The following ARID3B variants were observed in gnomAD, a reference collection of about 807,000 sequenced individuals.
ARID3B encodes AT-rich interaction domain 3B.
ARID3B carries 10 observed loss-of-function variants against 51.9 expected under a neutral mutation model. The ratio of observed to expected loss-of-function variants is 0.19; its 90% confidence interval spans 0.12 to 0.33. The LOEUF (loss-of-function observed/expected upper bound fraction) is 0.33, where lower values mean the gene tolerates loss of function less well. Ranked by LOEUF, ARID3B falls within the 10% of genes least tolerant of loss-of-function variation. The pLI is 1.00. For missense variants in ARID3B, 483 were observed against 716.3 expected, an observed-to-expected ratio of 0.67 and a Z score of 3.72; for synonymous variants, 205 against 279.5, an observed-to-expected ratio of 0.73 and a Z score of 2.66.
intron 4 of ARID3B, among the ~76,000 whole-genome samples, chr15:74,585,056 GATTA>G (rs1014720987): frequency 6.6e-6 from 1 of 152,194 alleles, no homozygotes; most frequent in Non-Finnish European, 1.5e-5. Context: ...GAGAGAGCAT[GATTA>G]ATTACCCTCA....
At chr15:74,566,802 ATTGT>A (rs1021519374) in intron 2 of ARID3B, among the ~76,000 whole-genome samples, 6 of 152,080 alleles carry the variant, frequency 3.9e-5, no homozygotes, top group Admixed American at 1.3e-4. Flanking sequence ...GCATTTTGTA[ATTGT>A]TTGTCTCTCT....
At chr15:74,574,343 C>G (rs1299295622) in intron 4 of ARID3B, 1 of 152,242 alleles carries the variant, frequency 6.6e-6, no homozygotes, top group African/African-American at 2.4e-5. Flanking sequence ...TAGCCTGCTC[C>G]CAGCATCCTG....
intron 2 of ARID3B, among the ~76,000 whole-genome samples, chr15:74,561,479 C>T (rs1404002191): frequency 6.6e-6 from 1 of 152,026 alleles, no homozygotes; most frequent in African/African-American, 2.4e-5. Flanking sequence ...CTAGTTATTT[C>T]CTTAGGATAG....
At chr15:74,545,993 T>C (rs2061614222) in intron 2 of ARID3B, among the ~76,000 whole-genome samples, 1 of 152,178 alleles carries the variant, frequency 6.6e-6, no homozygotes, top group African/African-American at 2.4e-5. Context: ...GCCAGGCACA[T>C]GGTAGGTAAT....
chr15:74,556,429 T>G (rs2061657985), intron 2 of ARID3B, among the ~76,000 whole-genome samples: 1 of 152,168 alleles, frequency 6.6e-6, no homozygotes, highest in Non-Finnish European at 1.5e-5. Context: ...CCATAACAGA[T>G]GTAATAATTT....
rs2061829033 is a variant in ARID3B at position 74,597,008 on chromosome 15, C to T, written c.*1234C>T. On this transcript the variant is annotated 3_prime_UTR_variant, in exon 9 of 9. Transcript: ENST00000346246. ...GCCCGCTCTCACACCGGGTCGGGCC[C>T]TGAAACTGTACCAGTTCTGAAGACC... 1 of 234,492 alleles carries T rather than the reference C, an allele frequency of 4.3e-6. No homozygotes were observed. Among genetic ancestry groups the T allele is most frequent in the African/African-American group, 2.2e-5 (1 of 45,428 alleles). 14.5% of individuals were successfully genotyped at this position (234,492 alleles called of 1,614,324 possible). A position where few individuals can be genotyped will look rare whatever the true frequency, so the allele number is the denominator to read the frequency against.
rs2061805338 is a variant in ARID3B at position 74,591,892 on chromosome 15, G to C, written c.1420+78G>C. 1.3e-6 allele frequency: 2 copies of C among 1,556,272 alleles called. No homozygotes were observed. Among genetic ancestry groups the C allele is most frequent in the Admixed American group, 3.6e-5 (2 of 55,418 alleles). On this transcript the variant is annotated intron_variant, in intron 7 of 8. Transcript: ENST00000346246. The surrounding 1 kb of genome is among the most constrained non-coding windows in gnomAD (Gnocchi z 5.8). ...CACGCCTCCTGGGACTGGTGGGGCA[G>C]GGGTGGTGAGGCACATACTCCTGAC... is the stretch of plus-strand genomic sequence containing the variant.
intron 2 of ARID3B, among the ~76,000 whole-genome samples, chr15:74,549,175 C>T (rs1474152253): frequency 4.0e-5 from 6 of 151,882 alleles, no homozygotes; most frequent in African/African-American, 9.7e-5. Flanking sequence ...CCGGGGTTCA[C>T]GCCATTCTCC....
intron 4 of ARID3B, chr15:74,574,976 T>C (rs563581375): frequency 7.1e-6 from 1 of 140,254 alleles, no homozygotes; most frequent in Non-Finnish European, 1.5e-5. Context: ...CCCTCCATCC[T>C]GGCGACAGAG....
At chr15:74,572,974 T>A (rs2061724529) in intron 3 of ARID3B, 41 bp downstream of exon 3, 2 of 1,608,298 alleles carry the variant, frequency 1.2e-6, no homozygotes, top group Non-Finnish European at 8.5e-7. Flanking sequence ...GGGGCAGTTC[T>A]GCAGTGGCTT....
At chr15:74,593,336 CCA>C in intron 8 of ARID3B, 100 bp downstream of exon 8, 1 of 1,055,470 alleles carries the variant, frequency 9.5e-7, no homozygotes, top group Non-Finnish European at 1.4e-6. Context: ...TGAACACCTC[CCA>C]CAGTGGCTTC....
intron 2 of ARID3B, among the ~76,000 whole-genome samples, chr15:74,569,004 A>T (rs921353402): frequency 4.6e-5 from 7 of 152,104 alleles, no homozygotes; most frequent in African/African-American, 1.7e-4. Flanking sequence ...CCCACCCTCC[A>T]TCTGCCTCTG....
intron 4 of ARID3B, among the ~76,000 whole-genome samples, chr15:74,588,248 AAAG>A (rs746260781): frequency 1.2e-3 from 187 of 151,712 alleles, no homozygotes; most frequent in African/African-American, 3.4e-3. Flanking sequence ...AAAAAAAAAA[AAAG>A]AAGAAGAAGA....
At chr15:74,589,172 C>T (rs1472736523) in intron 4 of ARID3B, among the ~76,000 whole-genome samples, 9 of 151,644 alleles carry the variant, frequency 5.9e-5, no homozygotes, top group Non-Finnish European at 1.2e-4. Context: ...GGACTACAGG[C>T]GCCTGCCACC....
intron 2 of ARID3B, among the ~76,000 whole-genome samples, chr15:74,549,411 C>T (rs546447256): frequency 6.6e-6 from 1 of 151,802 alleles, no homozygotes; most frequent in South Asian, 2.1e-4. Context: ...TACTGCATGA[C>T]TATCATTAGC....
In ARID3B at chr15:74,591,218, G is replaced by A; in HGVS notation, c.949G>A (p.Ala317Thr). Reference sequence around the variant, plus strand: ...CTTGAGTTCCCCAGCCGAGCTCCAGGCAGCAATTGATGGCAACCGCAGGGA... The same window carrying A: ...CTTGAGTTCCCCAGCCGAGCTCCAGACAGCAATTGATGGCAACCGCAGGGA... ...KALSSPAELQ[A>T]AIDGNRREGR... The change falls in exon 6 of 9, where the codon GCA becomes ACA. Residue 317 changes from alanine (A) to threonine (T), a missense_variant. Ala to Thr is a moderately conservative substitution (Grantham distance 58, BLOSUM62 0). Transcript: ENST00000346246. The surrounding 1 kb of genome is among the most constrained non-coding windows in gnomAD (Gnocchi z 5.8). 2 of 1,613,634 alleles carry A rather than the reference G, an allele frequency of 1.2e-6. No homozygotes were observed. Among genetic ancestry groups the A allele is most frequent in the East Asian group, 4.5e-5 (2 of 44,866 alleles).
chr15:74,563,496 A>G (rs900368133), intron 2 of ARID3B, among the ~76,000 whole-genome samples: 7 of 151,918 alleles, frequency 4.6e-5, no homozygotes, highest in African/African-American at 1.2e-4. Flanking sequence ...GTTTGGGGGG[A>G]AAAAAAAGTT....
chr15:74,577,056 G>A (rs956608988), intron 4 of ARID3B, among the ~76,000 whole-genome samples: 1 of 152,248 alleles, frequency 6.6e-6, no homozygotes, highest in Non-Finnish European at 1.5e-5. Flanking sequence ...TGCCGTGGCA[G>A]TGTATAGTTG....
chr15:74,577,379 C>G (rs999274590), intron 4 of ARID3B, among the ~76,000 whole-genome samples: 1 of 151,906 alleles, frequency 6.6e-6, no homozygotes, highest in Non-Finnish European at 1.5e-5. Flanking sequence ...CACTTGAACC[C>G]GGGAGGCGGA....
Sources: gnomAD v4.1 joint callset for allele counts (sites outside exome capture counted in the v4.1 genomes callset) on GRCh38, gnomAD v4.1.1 for gene constraint, Gnocchi (gnomAD v3.1) non-coding constraint, MANE v1.5 for transcripts, NCBI Gene and HGNC (gene_info 2026-07-23, HGNC 2026-07-21) for gene names.